Variants in PEAK1 observed in about 807,000 individuals in gnomAD.
PEAK1 encodes the protein pseudopodium enriched atypical kinase 1.
Under a neutral mutation model 124.7 loss-of-function variants are expected in PEAK1, and 54 were observed. The observed-to-expected ratio is 0.43, with a 90% CI of 0.35 to 0.54. PEAK1 has a LOEUF of 0.54. PEAK1 is among the 20% of genes least tolerant of loss of function. PEAK1 has a pLI of 0.01. For synonymous variants in PEAK1, 719 were observed against 760.0 expected, an observed-to-expected ratio of 0.95 and a Z score of 0.89; for missense variants, 2,046 against 2,134.5, an observed-to-expected ratio of 0.96 and a Z score of 0.82.
At chr15:77,145,551 G>A (rs1053819093) in intron 8 of PEAK1, among the ~76,000 whole-genome samples, 1 of 152,170 alleles carries the variant, frequency 6.6e-6, no homozygotes, top group South Asian at 2.1e-4. Flanking sequence ...CAGTCTTAGG[G>A]TGCTAGGGAT....
intron 2 of PEAK1, among the ~76,000 whole-genome samples, chr15:77,357,281 CT>C (rs1325464370): frequency 1.3e-5 from 2 of 152,054 alleles, no homozygotes; most frequent in Admixed American, 6.6e-5. Context: ...GTTTTGTTTT[CT>C]TTTTTTAAAT....
chr15:77,225,239 T>C (rs1483334970), intron 6 of PEAK1, among the ~76,000 whole-genome samples: 1 of 151,996 alleles, frequency 6.6e-6, no homozygotes, highest in African/African-American at 2.4e-5. Context: ...GGCTTTCAAG[T>C]ATCACACTAC....
At chr15:77,302,448 C>T (rs771988422) in intron 2 of PEAK1, among the ~76,000 whole-genome samples, 11 of 152,208 alleles carry the variant, frequency 7.2e-5, no homozygotes, top group South Asian at 6.2e-4. Context: ...CAGTGAAAAA[C>T]GTGGCTTCTA....
At chr15:77,278,275 A>C (rs2062446660) in intron 5 of PEAK1, among the ~76,000 whole-genome samples, 1 of 152,196 alleles carries the variant, frequency 6.6e-6, no homozygotes, top group South Asian at 2.1e-4. Context: ...CTCAGCAATT[A>C]AAAGAATGAA....
chr15:77,336,431 T>G, intron 2 of PEAK1: 1 of 985,424 alleles, frequency 1.0e-6, no homozygotes, highest in Non-Finnish European at 1.2e-6. Flanking sequence ...GGGTTAATGG[T>G]AACCTACTTT....
chr15:77,303,803 C>G (rs1315354804), intron 2 of PEAK1, among the ~76,000 whole-genome samples: 1 of 152,024 alleles, frequency 6.6e-6, no homozygotes, highest in African/African-American at 2.4e-5. Context: ...ATTTTAAAAT[C>G]TTTTACCAAA....
In PEAK1 at chr15:77,149,234, A is replaced by G. The variant is rs2054395980; in HGVS notation, c.3331+9269T>C. 2.6e-5 allele frequency among the ~76,000 whole-genome samples: 4 copies of G among 152,208 alleles called. No homozygotes were observed. In the South Asian group the frequency reaches 8.3e-4, roughly 32 times the overall value. Reference sequence around the variant, plus strand: ...CACTGCTTCCTAAACCTGCTTCACAATGTAATTTTCAGAAACAAATTCCAC... The same window carrying G: ...CACTGCTTCCTAAACCTGCTTCACAGTGTAATTTTCAGAAACAAATTCCAC... On this transcript the variant is annotated intron_variant, in intron 8 of 9. Coordinates refer to ENST00000682557, the MANE Select transcript of PEAK1 (RefSeq NM_001385026.1).
At chr15:77,416,312 A>G (rs1027908553) in intron 1 of PEAK1, among the ~76,000 whole-genome samples, 6 of 152,230 alleles carry the variant, frequency 3.9e-5, no homozygotes, top group Admixed American at 6.5e-5. Flanking sequence ...TGTAGGAATC[A>G]TCCAAAATCT....
intron 6 of PEAK1, among the ~76,000 whole-genome samples, chr15:77,236,228 C>T (rs190568320): frequency 6.6e-5 from 10 of 152,282 alleles, no homozygotes; most frequent in Non-Finnish European, 1.0e-4. Flanking sequence ...TCTGGAAGAG[C>T]GGCAGACATT....
intron 9 of PEAK1, among the ~76,000 whole-genome samples, chr15:77,123,198 A>C (rs2052074923): frequency 6.6e-6 from 1 of 152,230 alleles, no homozygotes; most frequent in South Asian, 2.1e-4. Flanking sequence ...ACTGTTGGAA[A>C]ATAACTAAAA....
chr15:77,233,871 CT>C (rs924613566), intron 6 of PEAK1, among the ~76,000 whole-genome samples: 1 of 151,868 alleles, frequency 6.6e-6, no homozygotes. Flanking sequence ...TTAAACCTCT[CT>C]TTTTTTTGAA....
At chr15:77,295,407 T>TCTTC (rs2063433818) in intron 2 of PEAK1, among the ~76,000 whole-genome samples, 1 of 152,192 alleles carries the variant, frequency 6.6e-6, no homozygotes, top group South Asian at 2.1e-4. Context: ...TCTTCACTTT[T>TCTTC]ACTAGATTTG....
chr15:77,102,978 T>C (rs1470027202), exon 7 of PEAK1: 1 of 152,248 alleles, frequency 6.6e-6, no homozygotes, highest in Non-Finnish European at 1.5e-5. Context: ...GCATCTTTTA[T>C]ACTTCTCAGT....
At chr15:77,155,853 C>G (rs989596774) in intron 8 of PEAK1, 3 of 153,340 alleles carry the variant, frequency 2.0e-5, no homozygotes, top group Non-Finnish European at 4.3e-5. Flanking sequence ...CCTGATCGTT[C>G]CTCTGGAAGT....
chr15:77,251,812 G>T (rs1253374154), intron 6 of PEAK1, among the ~76,000 whole-genome samples: 6 of 152,180 alleles, frequency 3.9e-5, no homozygotes, highest in Non-Finnish European at 8.8e-5. Context: ...ATGACTCAGT[G>T]ATTACTACCC....
intron 6 of PEAK1, among the ~76,000 whole-genome samples, chr15:77,225,955 G>A (rs567958784): frequency 1.4e-5 from 2 of 142,594 alleles, no homozygotes; most frequent in South Asian, 2.2e-4. Context: ...TGAGCATTAC[G>A]CTCTAAGTAT....
At chr15:77,295,499 C>T (rs1431180256) in intron 2 of PEAK1, among the ~76,000 whole-genome samples, 1 of 152,120 alleles carries the variant, frequency 6.6e-6, no homozygotes, top group East Asian at 1.9e-4. Context: ...TCAACTATCT[C>T]AACCTTATTA....
intron 2 of PEAK1, among the ~76,000 whole-genome samples, chr15:77,311,702 A>AG (rs1455932573): frequency 4.0e-5 from 6 of 150,582 alleles, no homozygotes; most frequent in African/African-American, 1.5e-4. Context: ...AAAAAAAAAA[A>AG]AAAAGAAAAA....
chr15:77,334,993 A>C, intron 2 of PEAK1: 1 of 985,416 alleles, frequency 1.0e-6, no homozygotes, highest in Non-Finnish European at 1.2e-6. Context: ...CAATCTGAAC[A>C]GGGTTTGAGG....
Sources: gnomAD v4.1 joint callset for allele counts (sites outside exome capture counted in the v4.1 genomes callset) on GRCh38, gnomAD v4.1.1 for gene constraint, MANE v1.5 for transcripts, NCBI Gene and HGNC (gene_info 2026-07-23, HGNC 2026-07-21) for gene names.